The following SYT10 variants were observed in gnomAD, a reference collection of about 807,000 sequenced individuals.
SYT10 encodes synaptotagmin-10.
In SYT10, 31 loss-of-function variants were observed where a neutral mutation model predicts 51.1. The observed-to-expected ratio is 0.61, with a 90% CI of 0.46 to 0.82. The LOEUF (loss-of-function observed/expected upper bound fraction) is 0.82. SYT10 is among the 40% of genes least tolerant of loss of function. SYT10 has a pLI of 0.00. For missense variants in SYT10, 603 were observed against 634.0 expected (o/e 0.95, Z 0.53); for synonymous variants, 233 against 225.9 (o/e 1.03, Z -0.28).
At position 33,376,720 on chromosome 12, in the gene SYT10, T is replaced by C. The variant is rs559255988; in HGVS notation, c.*110A>G. The C allele has an allele frequency of 9.8e-6, 12 of 1,222,444 alleles. No homozygotes were observed. In the South Asian group the frequency reaches 1.5e-4, roughly 16 times the overall value. The allele number at this position is 1,222,444 out of a possible 1,614,324, so 75.7% of individuals were successfully genotyped here. On this transcript the variant is annotated 3_prime_UTR_variant, in exon 7 of 7. Coordinates refer to ENST00000228567, the MANE Select transcript of SYT10 (RefSeq NM_198992.4). Reference sequence around the variant, plus strand: ...ATAAAAAAGTGCACATCAAGTTTGTTCATTAGTACGGATATATTTCAAATG... The same window carrying C: ...ATAAAAAAGTGCACATCAAGTTTGTCCATTAGTACGGATATATTTCAAATG...
chr12:33,398,306 G>T (rs1866274378), intron 3 of SYT10, among the ~76,000 whole-genome samples: 1 of 152,066 alleles, frequency 6.6e-6, no homozygotes, highest in African/African-American at 2.4e-5. Flanking sequence ...GAGGTCAGGA[G>T]ATCGAGACCA....
At chr12:33,386,111 C>T (rs1866154245) in intron 3 of SYT10, among the ~76,000 whole-genome samples, 1 of 152,124 alleles carries the variant, frequency 6.6e-6, no homozygotes, top group East Asian at 1.9e-4. Flanking sequence ...GCAGCCTCCA[C>T]CTCTGTTCAA....
chr12:33,399,933 G>A (rs1448659380), intron 3 of SYT10, among the ~76,000 whole-genome samples: 2 of 152,054 alleles, frequency 1.3e-5, no homozygotes, highest in South Asian at 2.1e-4. Context: ...CAGGTTTATC[G>A]CAGAGATGAA....
At position 33,375,788 on chromosome 12, in the gene SYT10, A is replaced by C. The variant is rs1316106671; in HGVS notation, c.*1042T>G. ...CATCCTTTCTTTAAGAAAATACTGA[A>C]TTCCAATGATGAGCTTCTGACTGGG... On this transcript the variant is annotated 3_prime_UTR_variant, in exon 7 of 7. Transcript: ENST00000228567. 6.6e-6 allele frequency: 1 copy of C among 152,532 alleles called. No homozygotes were observed. The highest frequency in any genetic ancestry group is 1.5e-5 in the Non-Finnish European group (1 of 67,984). 9.4% of individuals were successfully genotyped at this position (152,532 alleles called of 1,614,324 possible). A position where few individuals can be genotyped will look rare whatever the true frequency, so the allele number is the denominator to read the frequency against.
intron 6 of SYT10, among the ~76,000 whole-genome samples, chr12:33,379,092 T>A (rs1282667546): frequency 6.6e-6 from 1 of 152,172 alleles, no homozygotes; most frequent in Non-Finnish European, 1.5e-5. Context: ...TGATATTTAG[T>A]CAATGGGATA....
chr12:33,381,563 T>G (rs1055820727), intron 5 of SYT10, among the ~76,000 whole-genome samples: 2 of 150,404 alleles, frequency 1.3e-5, no homozygotes, highest in African/African-American at 4.9e-5. Flanking sequence ...GGGACAAGAG[T>G]TCAGAGGAAG....
chr12:33,434,742 T>C (rs1592000110), intron 1 of SYT10, among the ~76,000 whole-genome samples: 1 of 151,886 alleles, frequency 6.6e-6, no homozygotes, highest in Non-Finnish European at 1.5e-5. Context: ...GAGGCGGAGG[T>C]TGTGATGAGC....
chr12:33,432,860 C>G, intron 1 of SYT10: 1 of 152,070 alleles, frequency 6.6e-6, no homozygotes, highest in East Asian at 1.9e-4. Context: ...CGGTTCCTTT[C>G]TATTCCCCTT....
At chr12:33,394,826 C>T (rs1293814864) in intron 3 of SYT10, among the ~76,000 whole-genome samples, 3 of 152,202 alleles carry the variant, frequency 2.0e-5, no homozygotes, top group Admixed American at 1.3e-4. Flanking sequence ...CGGTGGCTCA[C>T]GCCTGTAAAC....
At chr12:33,402,143 A>G (rs1405607546) in intron 3 of SYT10, among the ~76,000 whole-genome samples, 2 of 152,222 alleles carry the variant, frequency 1.3e-5, no homozygotes, top group Non-Finnish European at 2.9e-5. Context: ...GTGGGTTGCC[A>G]TATGAGATAA....
chr12:33,433,856 A>C (rs1565500896), intron 1 of SYT10, among the ~76,000 whole-genome samples: 1 of 152,134 alleles, frequency 6.6e-6, no homozygotes, highest in East Asian at 1.9e-4. Context: ...CGCCCCCAGA[A>C]TCTCCTCTTC....
intron 3 of SYT10, among the ~76,000 whole-genome samples, chr12:33,391,216 C>T (rs1291472072): frequency 6.6e-6 from 1 of 151,562 alleles, no homozygotes; most frequent in Non-Finnish European, 1.5e-5. Flanking sequence ...GGATTACAGG[C>T]GTGAGCCAAC....
chr12:33,407,451 T>C (rs1866369086), intron 2 of SYT10, 95 bp from the exon 3 acceptor site: 2 of 1,300,878 alleles, frequency 1.5e-6, no homozygotes, highest in Non-Finnish European at 2.1e-6. Context: ...ACCCCCAGAA[T>C]AGTGAAAAGA....
At chr12:33,428,529 C>A (rs758846098) in intron 1 of SYT10, among the ~76,000 whole-genome samples, 8 of 152,032 alleles carry the variant, frequency 5.3e-5, no homozygotes, top group Non-Finnish European at 1.0e-4. Context: ...GAGAAGTGAC[C>A]ATTAACTTTA....
At chr12:33,410,033 A>C (rs760010279) in intron 2 of SYT10, among the ~76,000 whole-genome samples, 17 of 152,224 alleles carry the variant, frequency 1.1e-4, no homozygotes, top group Non-Finnish European at 2.1e-4. Context: ...GAACTTCCTC[A>C]AGCTGGAAAT....
intron 1 of SYT10, among the ~76,000 whole-genome samples, chr12:33,435,835 T>G (rs1459838170): frequency 6.6e-6 from 1 of 152,190 alleles, no homozygotes; most frequent in Non-Finnish European, 1.5e-5. Context: ...TCTTGTCAGT[T>G]AAGTACTTTA....
In SYT10 at chr12:33,375,621, C is replaced by G. The variant is rs552284902; in HGVS notation, c.*1209G>C. On this transcript the variant is annotated 3_prime_UTR_variant, in exon 7 of 7. Transcript: ENST00000228567. ...TAGTTTTTACATGTAGTGGCCTGAA[C>G]CTTGATCCTTATGAAGGCAAATGCC... 1 of 152,136 alleles carries G rather than the reference C, an allele frequency of 6.6e-6. No individual in the cohort carries two copies. The highest frequency in any genetic ancestry group is 1.9e-4 in the East Asian group (1 of 5,174). 9.4% of individuals were successfully genotyped at this position (152,136 alleles called of 1,614,324 possible).
rs191848596 is a variant in SYT10 at position 33,398,350 on chromosome 12, A to T, written c.1077+8439T>A. 8.3e-4 allele frequency among the ~76,000 whole-genome samples: 127 copies of T among 152,130 alleles called. 1 individual carries two copies. The East Asian group carries it at 0.024, about 29-fold the overall frequency. On this transcript the variant is annotated intron_variant, in intron 3 of 6. Transcript: ENST00000228567. ...AACACAGTGAAACCCCATCTCTACTAAAAATACAAAAAATTAGCCGAGCGT... is the reference window on the plus strand; with the variant it reads ...AACACAGTGAAACCCCATCTCTACTTAAAATACAAAAAATTAGCCGAGCGT...
intron 2 of SYT10, among the ~76,000 whole-genome samples, chr12:33,421,538 C>G (rs187121746): frequency 2.0e-5 from 3 of 152,242 alleles, no homozygotes; most frequent in Admixed American, 1.3e-4. Context: ...CACCACTCAT[C>G]ATCTCGTGTG....
Sources: allele counts gnomAD v4.1 joint callset (sites outside exome capture counted in the v4.1 genomes callset), GRCh38; gene constraint gnomAD v4.1.1; transcripts MANE v1.5; gene names NCBI Gene and HGNC (gene_info 2026-07-23, HGNC 2026-07-21).